KLRF1: variants seen among roughly 807,000 people sequenced by gnomAD.
KLRF1 encodes killer cell lectin-like receptor subfamily F member 1.
In KLRF1, 27 loss-of-function variants were observed where a neutral mutation model predicts 30.7. That is an observed-to-expected ratio of 0.88 (90% confidence interval 0.65 to 1.21). The LOEUF (loss-of-function observed/expected upper bound fraction) is 1.21, where lower values mean the gene tolerates loss of function less well. Among genes scored for constraint, KLRF1 ranks in the 50% most tolerant of loss-of-function variants. KLRF1 has a pLI of 0.00. For synonymous variants in KLRF1, 92 were observed against 89.3 expected (o/e 1.03, Z -0.17); for missense variants, 246 against 259.3 (o/e 0.95, Z 0.35).
At chr12:9,836,694 A>G (rs1867585470) in intron 3 of KLRF1, among the ~76,000 whole-genome samples, 2 of 152,160 alleles carry the variant, frequency 1.3e-5, no homozygotes, top group African/African-American at 4.8e-5. Flanking sequence ...TTTATGTTCT[A>G]CTTATTGACA....
At chr12:9,837,481 G>A (rs923797133) in intron 3 of KLRF1, among the ~76,000 whole-genome samples, 1 of 152,038 alleles carries the variant, frequency 6.6e-6, no homozygotes, top group Non-Finnish European at 1.5e-5. Context: ...CCAAAGGTGA[G>A]ATCTTAGGAC....
chr12:9,815,604 A>G, the KLRF1 span, among the ~76,000 whole-genome samples: 1 of 152,094 alleles, frequency 6.6e-6, no homozygotes, highest in Non-Finnish European at 1.5e-5. Flanking sequence ...TGGATCAAGC[A>G]ATGACCTAGA....
the KLRF1 span, among the ~76,000 whole-genome samples, chr12:9,813,137 A>AT: frequency 6.7e-6 from 1 of 149,948 alleles, no homozygotes; most frequent in Non-Finnish European, 1.5e-5. Flanking sequence ...TTATTTTTTT[A>AT]TTTTTTTAAT....
At chr12:9,820,090 C>A in the KLRF1 span, among the ~76,000 whole-genome samples, 25 of 152,320 alleles carry the variant, frequency 1.6e-4, no homozygotes, top group East Asian at 4.8e-3. Context: ...AGTCACTGAT[C>A]CTGTTTCTCC....
chr12:9,827,567 T>C lies in KLRF1; in HGVS notation c.23T>C (p.Met8Thr). The C allele has an allele frequency of 6.2e-7, 1 of 1,605,742 alleles. No individual in the cohort carries two copies. Among genetic ancestry groups the C allele is most frequent in the Non-Finnish European group, 8.5e-7 (1 of 1,173,900 alleles). ...AAGATGCAAGATGAAGAAAGATACA[T>C]GACATTGAATGTACAGTCAAAGAAA... MQDEERY[M>T]TLNVQSKKRS... is the part of the protein sequence containing the mutation. The change falls in exon 1 of 6, where the codon ATG becomes ACG. Residue 8 changes from methionine (M) to threonine (T), a missense_variant. Transcript: ENST00000617889.
the KLRF1 span, among the ~76,000 whole-genome samples, chr12:9,810,075 G>C: frequency 1.2e-4 from 19 of 152,252 alleles, no homozygotes; most frequent in Admixed American, 1.1e-3. Flanking sequence ...TCTGAATAGT[G>C]AGTGTCAACA....
the KLRF1 span, among the ~76,000 whole-genome samples, chr12:9,809,385 C>A: frequency 1.3e-5 from 2 of 152,252 alleles, no homozygotes; most frequent in South Asian, 4.2e-4. Context: ...TTAACTTTCT[C>A]TTAGTTTTCC....
At chr12:9,826,633 A>G (rs1565502522), upstream of KLRF1, among the ~76,000 whole-genome samples, 1 of 152,212 alleles carries the variant, frequency 6.6e-6, no homozygotes, top group Admixed American at 6.5e-5. Context: ...ATGCCCATCA[A>G]TGGTAGACTG....
At chr12:9,832,272 G>A (rs759006063) in intron 1 of KLRF1, 44 bp from the exon 2 acceptor site, 3 of 1,074,538 alleles carry the variant, frequency 2.8e-6, no homozygotes, top group Admixed American at 1.8e-5. Flanking sequence ...ATTACTTCCT[G>A]GAAGCATACT....
chr12:9,818,845 T>G, the KLRF1 span, among the ~76,000 whole-genome samples: 1 of 152,240 alleles, frequency 6.6e-6, no homozygotes, highest in Non-Finnish European at 1.5e-5. Context: ...AAGCAGCTAG[T>G]GTGTGCTGTT....
chr12:9,825,531 T>C (rs1294213421), upstream of KLRF1, among the ~76,000 whole-genome samples: 1 of 151,956 alleles, frequency 6.6e-6, no homozygotes, highest in African/African-American at 2.4e-5. Context: ...AAAATACTTA[T>C]GTCTAAAACC....
At chr12:9,813,380 C>T in the KLRF1 span, among the ~76,000 whole-genome samples, 1 of 151,944 alleles carries the variant, frequency 6.6e-6, no homozygotes, top group Non-Finnish European at 1.5e-5. Context: ...GATCAGGGCT[C>T]ACTGCAGCTT....
At chr12:9,823,004 A>C (rs1298741077), upstream of KLRF1, among the ~76,000 whole-genome samples, 1 of 152,198 alleles carries the variant, frequency 6.6e-6, no homozygotes, top group East Asian at 1.9e-4. Context: ...AAATATTTAC[A>C]AAATAATAGT....
At chr12:9,840,985 A>C (rs909245250) in intron 3 of KLRF1, among the ~76,000 whole-genome samples, 3 of 152,158 alleles carry the variant, frequency 2.0e-5, no homozygotes, top group African/African-American at 7.2e-5. Context: ...TTCTATTATA[A>C]AGACACATGC....
intron 3 of KLRF1, among the ~76,000 whole-genome samples, chr12:9,840,231 A>G (rs1867671248): frequency 6.6e-6 from 1 of 152,108 alleles, no homozygotes; most frequent in Non-Finnish European, 1.5e-5. Flanking sequence ...CTTAGTGTTT[A>G]TATGTAATGA....
the KLRF1 span, among the ~76,000 whole-genome samples, chr12:9,814,958 T>C: frequency 6.6e-6 from 1 of 152,160 alleles, no homozygotes; most frequent in African/African-American, 2.4e-5. Flanking sequence ...GACGATGTAT[T>C]TTATATTTCA....
the KLRF1 span, among the ~76,000 whole-genome samples, chr12:9,807,472 A>G: frequency 6.6e-6 from 1 of 152,036 alleles, no homozygotes; most frequent in East Asian, 1.9e-4. Context: ...ATCTTCCTCC[A>G]TTGTGCAGCT....
chr12:9,829,717 C>T (rs1266301631), intron 1 of KLRF1, among the ~76,000 whole-genome samples: 1 of 152,164 alleles, frequency 6.6e-6, no homozygotes, highest in Non-Finnish European at 1.5e-5. Flanking sequence ...TCTAATGGTG[C>T]CACTGCACTC....
At chr12:9,842,182 A>T in intron 4 of KLRF1, 139 bp from the exon 5 acceptor site, 1 of 877,554 alleles carries the variant, frequency 1.1e-6, no homozygotes. Flanking sequence ...ATATGATATA[A>T]TGTGTGTATA....
Sources: allele counts gnomAD v4.1 joint callset (sites outside exome capture counted in the v4.1 genomes callset), GRCh38; gene constraint gnomAD v4.1.1; transcripts MANE v1.5; gene names NCBI Gene and HGNC (gene_info 2026-07-23, HGNC 2026-07-21).